Variants in SLC9A5 observed in about 807,000 individuals in gnomAD.
The protein encoded by SLC9A5 is solute carrier family 9 member A5.
In SLC9A5, 52 loss-of-function variants were observed where a neutral mutation model predicts 91.7. That is an observed-to-expected ratio of 0.57 (90% CI 0.45 to 0.71). The LOEUF is 0.71. SLC9A5 is among the 30% of genes least tolerant of loss of function. SLC9A5 has a pLI of 0.00. For synonymous variants in SLC9A5, 419 were observed against 474.5 expected, an observed-to-expected ratio of 0.88 and a Z score of 1.52; for missense variants, 871 against 1,158.9, an observed-to-expected ratio of 0.75 and a Z score of 3.61.
At position 67,256,201 on chromosome 16, in the gene SLC9A5, G is replaced by A. The variant is rs936418716; in HGVS notation, c.912-268G>A. 1.3e-5 allele frequency among the ~76,000 whole-genome samples: 2 copies of A among 152,152 alleles called. No homozygotes were observed. The highest frequency in any genetic ancestry group is 4.8e-5 in the African/African-American group (2 of 41,438). ...CCTGGGGCCACCAGCTCTGGAGGCCGCAGCACTCCAGAAGGTGCATTAGAG... is the reference window on the plus strand; with the variant it reads ...CCTGGGGCCACCAGCTCTGGAGGCCACAGCACTCCAGAAGGTGCATTAGAG... On this transcript the variant is annotated intron_variant, in intron 5 of 15. Transcript: ENST00000299798. The surrounding 1 kb of genome is among the most constrained non-coding windows in gnomAD (Gnocchi z 4.1).
Position 67,257,148 on chromosome 16 carries a change from TTGGGCAGGCCC to T in SLC9A5, c.1335+40_1335+50del. ...CCCACAAGGCTGGGTAGGGAGAGGG[TTGGGCAGGCCC>T]TGGGGGAGTCTTGGAGCCTGTGGGA... On this transcript the variant is annotated intron_variant, in intron 7 of 15. Coordinates refer to ENST00000299798, the MANE Select transcript of SLC9A5 (RefSeq NM_004594.3). The surrounding 1 kb of genome is among the most constrained non-coding windows in gnomAD (Gnocchi z 5.1). 1 of 1,581,416 alleles carries T rather than the reference TTGGGCAGGCCC, an allele frequency of 6.3e-7. No individual in the cohort carries two copies. Among genetic ancestry groups the T allele is most frequent in the South Asian group, 1.1e-5 (1 of 89,476 alleles).
intron 12 of SLC9A5, chr16:67,261,908 G>T (rs974883888): frequency 1.2e-5 from 2 of 161,978 alleles, no homozygotes; most frequent in Non-Finnish European, 1.3e-5. Flanking sequence ...ACATCAGGAA[G>T]TACATAATGA....
chr16:67,271,371 C>T lies in SLC9A5; in HGVS notation c.*161C>T. The T allele has an allele frequency of 1.6e-6, 1 of 639,572 alleles. No individual in the cohort carries two copies. Among genetic ancestry groups the T allele is most frequent in the East Asian group, 2.7e-5 (1 of 36,556 alleles). 39.6% of individuals were successfully genotyped at this position (639,572 alleles called of 1,614,324 possible). ...GTCAGAGGGGTCACCTAAGCTGGTC[C>T]TCACAGGGGCCTTTCTCACCACCTC... On this transcript the variant is annotated 3_prime_UTR_variant, in exon 16 of 16. Coordinates refer to ENST00000299798, the MANE Select transcript of SLC9A5 (RefSeq NM_004594.3).
At position 67,258,222 on chromosome 16, in the gene SLC9A5, G is replaced by A. The variant is rs142030413; in HGVS notation, c.1497-96G>A. 3 of 1,321,814 alleles carry A rather than the reference G, an allele frequency of 2.3e-6. No individual in the cohort carries two copies. The highest frequency in any genetic ancestry group is 2.9e-5 in the African/African-American group (2 of 69,786). The allele number at this position is 1,321,814 out of a possible 1,614,324, so 81.9% of individuals were successfully genotyped here. On this transcript the variant is annotated intron_variant, in intron 9 of 15. Coordinates refer to ENST00000299798, the MANE Select transcript of SLC9A5 (RefSeq NM_004594.3). The surrounding 1 kb of genome is among the most constrained non-coding windows in gnomAD (Gnocchi z 4.5). Reference sequence around the variant, plus strand: ...GCTGAGGCCCATATCTAAAAAGCCAGGCCAGTGCTGACGGTGTCCTTGCCC... The same window carrying A: ...GCTGAGGCCCATATCTAAAAAGCCAAGCCAGTGCTGACGGTGTCCTTGCCC...
intron 1 of SLC9A5, among the ~76,000 whole-genome samples, chr16:67,250,466 C>T (rs1486272226): frequency 6.6e-6 from 1 of 152,098 alleles, no homozygotes; most frequent in Admixed American, 6.6e-5. Flanking sequence ...GGTTTGGAGC[C>T]AACGATTGGG....
At chr16:67,262,361 C>T (rs184961358) in intron 12 of SLC9A5, 72 of 435,204 alleles carry the variant, frequency 1.7e-4, no homozygotes, top group South Asian at 7.2e-4. Flanking sequence ...TGTTCTTCAT[C>T]GAAATATCAT....
At chr16:67,260,354 CAAAAA>C (rs397932908) in intron 12 of SLC9A5, among the ~76,000 whole-genome samples, 497 of 33,452 alleles carry the variant, frequency 0.015, 13 homozygotes, top group African/African-American at 0.075. Flanking sequence ...GACTCCATCT[CAAAAA>C]AAAAAAAAAA....
In SLC9A5 at chr16:67,257,434, C is replaced by T. The variant is rs747754091; in HGVS notation, c.1425C>T (p.His475=). The T allele has an allele frequency of 9.9e-6, 16 of 1,614,020 alleles. No homozygotes were observed. Among genetic ancestry groups the T allele is most frequent in the East Asian group, 2.2e-5 (1 of 44,874 alleles). ...CCCTGAACCAGGAGCTGCATGAACA[C>T]GTGGGTATCAGAACCCCAGCCCTCG... ...KPTLNQELHE[H]TFDHILAAVE... Residue 475 remains histidine (H), a splice_region_variant and synonymous_variant, in exon 8 of 16, where the codon CAC becomes CAT. Transcript: ENST00000299798. This position sits in a 1 kb window ranked among gnomAD's most constrained non-coding sequence, Gnocchi z 5.1.
intron 12 of SLC9A5, chr16:67,263,847 C>G: frequency 6.3e-6 from 1 of 159,654 alleles, no homozygotes; most frequent in East Asian, 1.8e-4. Flanking sequence ...CTGAGAAGGT[C>G]CAGGGTGTCA....
In SLC9A5 at chr16:67,257,159, C is replaced by T. The variant is rs762239076; in HGVS notation, c.1335+46C>T. 5 of 1,558,542 alleles carry T rather than the reference C, an allele frequency of 3.2e-6. No homozygotes were observed. The highest frequency in any genetic ancestry group is 2.3e-5 in the South Asian group (2 of 87,662). On this transcript the variant is annotated intron_variant, in intron 7 of 15. Transcript: ENST00000299798. This position sits in a 1 kb window ranked among gnomAD's most constrained non-coding sequence, Gnocchi z 5.1. ...GGGTAGGGAGAGGGTTGGGCAGGCCCTGGGGGAGTCTTGGAGCCTGTGGGA... is the reference window on the plus strand; with the variant it reads ...GGGTAGGGAGAGGGTTGGGCAGGCCTTGGGGGAGTCTTGGAGCCTGTGGGA...
chr16:67,263,949 G>A (rs1428253617), intron 12 of SLC9A5, among the ~76,000 whole-genome samples: 2 of 152,232 alleles, frequency 1.3e-5, no homozygotes, highest in Non-Finnish European at 2.9e-5. Context: ...GCTGGAGAAA[G>A]GATCCTGTGT....
intron 15 of SLC9A5, among the ~76,000 whole-genome samples, chr16:67,268,701 T>G (rs1306584509): frequency 1.1e-5 from 1 of 94,686 alleles, no homozygotes; most frequent in Non-Finnish European, 2.1e-5. Flanking sequence ...TATATATATA[T>G]ATATATATAT....
Position 67,259,879 on chromosome 16 carries a change from G to T in SLC9A5, c.1775G>T (p.Gly592Val). The change falls in exon 12 of 16, where the codon GGC becomes GTC. Residue 592 changes from glycine (G) to valine (V), a missense_variant. Coordinates refer to ENST00000299798, the MANE Select transcript of SLC9A5 (RefSeq NM_004594.3). ...CAGGTGATTGACACAGTACGCAGCG[G>T]CCGGGATCGTGAGGATGCTGTGATG... is the stretch of plus-strand genomic sequence containing the variant. ...DLQVIDTVRS[G>V]RDREDAVMHH... 1 of 1,614,176 alleles carries T rather than the reference G, an allele frequency of 6.2e-7. No homozygotes were observed.
Position 67,271,573 on chromosome 16 carries a change from T to G in SLC9A5, c.*363T>G. 2 of 248,446 alleles carry G rather than the reference T, an allele frequency of 8.1e-6. No individual in the cohort carries two copies. The highest frequency in any genetic ancestry group is 1.6e-5 in the Non-Finnish European group (2 of 125,912). 15.4% of individuals were successfully genotyped at this position (248,446 alleles called of 1,614,324 possible). A position where few individuals can be genotyped will look rare whatever the true frequency, so the allele number is the denominator to read the frequency against. ...TCCTGCCCGCAAAGCAAGAGCATCA[T>G]TCCTATTCTTCAGTGGATGCCAGCC... On this transcript the variant is annotated 3_prime_UTR_variant, in exon 16 of 16. Coordinates refer to ENST00000299798, the MANE Select transcript of SLC9A5 (RefSeq NM_004594.3).
At position 67,255,201 on chromosome 16, in the gene SLC9A5, G is replaced by T. The variant is rs1193393476; in HGVS notation, c.654+17G>T. The T allele has an allele frequency of 6.2e-7, 1 of 1,608,996 alleles. No homozygotes were observed. The highest frequency in any genetic ancestry group is 1.3e-5 in the African/African-American group (1 of 74,828). On this transcript the variant is annotated intron_variant, in intron 3 of 15. Coordinates refer to ENST00000299798, the MANE Select transcript of SLC9A5 (RefSeq NM_004594.3). This position sits in a 1 kb window ranked among gnomAD's most constrained non-coding sequence, Gnocchi z 4.9. Reference sequence around the variant, plus strand: ...GTCACCGTGGTGAGCGTGCTCAGCTGACTGCCATTCCCTGACCCCAGGCTG... The same window carrying T: ...GTCACCGTGGTGAGCGTGCTCAGCTTACTGCCATTCCCTGACCCCAGGCTG...
intron 12 of SLC9A5, among the ~76,000 whole-genome samples, chr16:67,260,354 CAAAAAAAAAAAA>C (rs397932908): frequency 3.0e-5 from 1 of 33,468 alleles, no homozygotes; most frequent in Non-Finnish European, 5.2e-5. Context: ...GACTCCATCT[CAAAAAAAAAAAA>C]AAAAAAAAAA....
rs938582260 is a variant in SLC9A5 at position 67,260,077 on chromosome 16, G to C, written c.1842+131G>C. ...AAGAGTGTGGGTTTCAGCCGGGTGC[G>C]ATGGCTCATGCCTGTAATCTCAGCA... On this transcript the variant is annotated intron_variant, in intron 12 of 15. Transcript: ENST00000299798. The C allele has an allele frequency of 6.3e-6, 8 of 1,265,334 alleles. No individual in the cohort carries two copies. The Admixed American group carries it at 1.6e-4, about 25-fold the overall frequency. The allele number at this position is 1,265,334 out of a possible 1,614,324, so 78.4% of individuals were successfully genotyped here. A position where few individuals can be genotyped will look rare whatever the true frequency, so the allele number is the denominator to read the frequency against.
In SLC9A5 at chr16:67,270,669, TAAG is replaced by T; in HGVS notation, c.2219-66_2219-64del. 8.9e-7 allele frequency: 1 copy of T among 1,127,406 alleles called. No homozygotes were observed. The highest frequency in any genetic ancestry group is 1.2e-6 in the Non-Finnish European group (1 of 802,072). The allele number at this position is 1,127,406 out of a possible 1,614,324, so 69.8% of individuals were successfully genotyped here. On this transcript the variant is annotated intron_variant, in intron 15 of 15. Transcript: ENST00000299798. This position sits in a 1 kb window ranked among gnomAD's most constrained non-coding sequence, Gnocchi z 4.3. The stretch of plus-strand genomic sequence containing the variant: ...ATATGGAAACTGTGGCATGAATTTA[TAAG>T]AATGTGCTTATACTTGAGATTTCCA...
At position 67,259,870 on chromosome 16, in the gene SLC9A5, T is replaced by C. The variant is rs2035464863; in HGVS notation, c.1766T>C (p.Val589Ala). ...CTGGATCTGCAGGTGATTGACACAG[T>C]ACGCAGCGGCCGGGATCGTGAGGAT... ...ACLDLQVIDTVRSGRDREDAV... is the reference protein window; with the variant it reads ...ACLDLQVIDTARSGRDREDAV... The change falls in exon 12 of 16, where the codon GTA (valine) becomes GCA (alanine). Residue 589 changes from valine to alanine, a missense_variant. Coordinates refer to ENST00000299798, the MANE Select transcript of SLC9A5 (RefSeq NM_004594.3). 6.2e-7 allele frequency: 1 copy of C among 1,614,180 alleles called. No homozygotes were observed. The highest frequency in any genetic ancestry group is 1.3e-5 in the African/African-American group (1 of 75,034).
Sources: gnomAD v4.1 joint callset for allele counts (sites outside exome capture counted in the v4.1 genomes callset) on GRCh38, gnomAD v4.1.1 for gene constraint, Gnocchi (gnomAD v3.1) non-coding constraint, MANE v1.5 for transcripts, NCBI Gene and HGNC (gene_info 2026-07-23, HGNC 2026-07-21) for gene names.